CHMP7: variants seen among roughly 807,000 people sequenced by gnomAD.
CHMP7 encodes charged multivesicular body protein 7, also known as CHMP family, member 7.
A neutral mutation model predicts 53.7 loss-of-function variants in CHMP7; 15 were observed. That is an observed-to-expected ratio of 0.28 (90% CI 0.19 to 0.43). The LOEUF (loss-of-function observed/expected upper bound fraction) is 0.43. CHMP7 is among the 20% of genes least tolerant of loss of function. The probability of loss-of-function intolerance (pLI) is 1.00; values close to 1 mark genes in which losing one functional copy is unlikely to be tolerated. For synonymous variants in CHMP7, 261 were observed against 228.0 expected (o/e 1.14, Z -1.30); for missense variants, 527 against 569.4 (o/e 0.93, Z 0.76).
intron 1 of CHMP7, among the ~76,000 whole-genome samples, chr8:23,244,947 T>C (rs1801632253): frequency 6.6e-6 from 1 of 152,200 alleles, no homozygotes; most frequent in Admixed American, 6.5e-5. Context: ...TCATTATAGG[T>C]ATATGGGAAT....
In CHMP7 at chr8:23,255,297, C is replaced by T; in HGVS notation, c.522C>T (p.Ser174=). 1.2e-6 allele frequency: 2 copies of T among 1,614,188 alleles called. No individual in the cohort carries two copies. Among genetic ancestry groups the T allele is most frequent in the Non-Finnish European group, 1.7e-6 (2 of 1,180,036 alleles). Residue 174 remains serine, a synonymous_variant, in exon 4 of 11, where the codon TCC becomes TCT. Transcript: ENST00000397677. ...TGTATCAGAACTCGCCCCTCTCCTCCCACCCCGTGGTGGCCCTGTCAGAGC... is the reference window on the plus strand; with the variant it reads ...TGTATCAGAACTCGCCCCTCTCCTCTCACCCCGTGGTGGCCCTGTCAGAGC... ...YRLYQNSPLS[S]HPVVALSELS...
intron 3 of CHMP7, among the ~76,000 whole-genome samples, chr8:23,254,198 T>TC (rs1802039365): frequency 3.3e-5 from 5 of 151,668 alleles, no homozygotes; most frequent in African/African-American, 4.8e-5. Context: ...TTTTTTTTTT[T>TC]CAAGAAATCC....
chr8:23,256,537 G>A lies in CHMP7; in HGVS notation c.735G>A (p.Met245Ile), dbSNP rs1364869876. The A allele has an allele frequency of 6.2e-7, 1 of 1,612,958 alleles. No individual in the cohort carries two copies. The highest frequency in any genetic ancestry group is 8.5e-7 in the Non-Finnish European group (1 of 1,178,918). Residue 245 changes from methionine to isoleucine, a missense_variant, in exon 5 of 11, where the codon ATG becomes ATA. Transcript: ENST00000397677. The stretch of plus-strand genomic sequence containing the variant: ...TAGATGTTGGGGTGTACCAGCTGAT[G>A]CAGAGTGAACAGCTTCTCTCACGCA... ...NDVDVGVYQL[M>I]QSEQLLSRKV... is the part of the protein sequence containing the mutation.
intron 8 of CHMP7, 39 bp downstream of exon 8, chr8:23,258,869 G>A (rs1802248667): frequency 7.2e-7 from 1 of 1,397,848 alleles, no homozygotes. Context: ...CAGAGAAGGA[G>A]GTGACAGAGG....
In CHMP7 at chr8:23,260,262, C is replaced by T. The variant is rs766909726; in HGVS notation, c.1239C>T (p.Asn413=). The T allele has an allele frequency of 1.2e-6, 2 of 1,614,170 alleles. No individual in the cohort carries two copies. The highest frequency in any genetic ancestry group is 2.2e-5 in the East Asian group (1 of 44,876). ...RNRHFTNSVP[N]PRISDAELEA... ...GGCATTTTACCAACAGCGTGCCTAA[C>T]CCTAGGATCTCAGATGCTGAACTTG... The change falls in exon 10 of 11, where the codon AAC becomes AAT. Residue 413 remains asparagine, a synonymous_variant. Transcript: ENST00000397677.
chr8:23,258,385 A>G lies in CHMP7; in HGVS notation c.896A>G (p.His299Arg). The change falls in exon 7 of 11, where the codon CAT becomes CGT. Residue 299 changes from histidine (H) to arginine (R), a missense_variant. By Grantham distance (29) the His-to-Arg change is conservative. Coordinates refer to ENST00000397677, the MANE Select transcript of CHMP7 (RefSeq NM_152272.5). ...ACAGAGAAGCGCATCGAGGCCTTGC[A>G]TGCCAAGCTGGACACTGTTCAAGGC... ...QRTEKRIEALHAKLDTVQGIL... is the reference protein window; with the variant it reads ...QRTEKRIEALRAKLDTVQGIL... 1 of 1,614,126 alleles carries G rather than the reference A, an allele frequency of 6.2e-7. No individual in the cohort carries two copies. Among genetic ancestry groups the G allele is most frequent in the South Asian group, 1.1e-5 (1 of 91,082 alleles).
intron 2 of CHMP7, 28 bp from the exon 3 acceptor site, chr8:23,249,182 T>G: frequency 6.5e-7 from 1 of 1,548,462 alleles, no homozygotes; most frequent in South Asian, 1.3e-5. Flanking sequence ...TAAGTGCTAC[T>G]ACACGCCCTT....
At chr8:23,253,315 A>C (rs1801999240) in intron 3 of CHMP7, among the ~76,000 whole-genome samples, 1 of 152,070 alleles carries the variant, frequency 6.6e-6, no homozygotes, top group South Asian at 2.1e-4. Flanking sequence ...ACAGAGTCTC[A>C]CTCTGTTGCC....
chr8:23,257,537 CAGGT>C (rs547550102), intron 5 of CHMP7, among the ~76,000 whole-genome samples: 14 of 152,234 alleles, frequency 9.2e-5, no homozygotes, highest in Non-Finnish European at 1.2e-4. Flanking sequence ...GTGGACAAGA[CAGGT>C]CCCTGCCTTT....
chr8:23,250,359 C>CTTGTCCCT (rs1392065120), intron 3 of CHMP7, among the ~76,000 whole-genome samples: 1 of 152,170 alleles, frequency 6.6e-6, no homozygotes, highest in Non-Finnish European at 1.5e-5. Context: ...CCCTGCCCCT[C>CTTGTCCCT]TTGTCCCTTT....
chr8:23,251,210 AT>A (rs1432669681), intron 3 of CHMP7, among the ~76,000 whole-genome samples: 3 of 151,902 alleles, frequency 2.0e-5, no homozygotes, highest in South Asian at 4.2e-4. Context: ...GTTGAGGTAA[AT>A]TTTTTTTCCC....
At chr8:23,244,803 T>C (rs1181270696) in intron 1 of CHMP7, among the ~76,000 whole-genome samples, 3 of 152,238 alleles carry the variant, frequency 2.0e-5, no homozygotes, top group South Asian at 2.1e-4. Flanking sequence ...TAGTCCTTCA[T>C]AGATTTCTTT....
chr8:23,260,357 A>T, intron 10 of CHMP7, 34 bp downstream of exon 10: 1 of 1,607,994 alleles, frequency 6.2e-7, no homozygotes, highest in Non-Finnish European at 8.5e-7. Flanking sequence ...TTTGGAGGGC[A>T]TATGGCCTTC....
At chr8:23,258,551 G>A in intron 7 of CHMP7, 102 bp downstream of exon 7, 1 of 1,508,664 alleles carries the variant, frequency 6.6e-7, no homozygotes, top group Non-Finnish European at 9.1e-7. Flanking sequence ...GGTTCTTTCG[G>A]GATGTGGCTG....
At chr8:23,247,639 A>G (rs1349215420) in intron 2 of CHMP7, among the ~76,000 whole-genome samples, 1 of 152,216 alleles carries the variant, frequency 6.6e-6, no homozygotes, top group East Asian at 1.9e-4. Flanking sequence ...ACTTCCCAGC[A>G]TGCAGATACT....
chr8:23,260,034 G>T (rs1295067755), intron 9 of CHMP7, 110 bp from the exon 10 acceptor site: 3 of 793,772 alleles, frequency 3.8e-6, no homozygotes, highest in Non-Finnish European at 6.0e-6. Flanking sequence ...TCTGCAAGGA[G>T]GCCTGGCATC....
intron 3 of CHMP7, chr8:23,254,931 C>G (rs923562610): frequency 2.4e-6 from 1 of 418,494 alleles, no homozygotes; most frequent in African/African-American, 2.0e-5. Context: ...TCTACCTCAC[C>G]TCACCTCCTC....
Position 23,246,891 on chromosome 8 carries a change from C to T in CHMP7, c.196C>T (p.Arg66Cys), listed in dbSNP as rs1428694569. Residue 66 changes from arginine to cysteine, a missense_variant, in exon 2 of 11, where the codon CGC becomes TGC. Physicochemically the swap from Arg to Cys is radical, Grantham distance 180. Coordinates refer to ENST00000397677, the MANE Select transcript of CHMP7 (RefSeq NM_152272.5). Reference sequence around the variant, plus strand: ...GCCGTTGGTGCTGAGCCACAGCCGCCGCCAGGGGGTGGTGCGCCTGCGTCT... The same window carrying T: ...GCCGTTGGTGCTGAGCCACAGCCGCTGCCAGGGGGTGGTGCGCCTGCGTCT... ...WAPLVLSHSR[R>C]QGVVRLRLRD... is the part of the protein sequence containing the mutation. The T allele has an allele frequency of 1.3e-6, 2 of 1,585,652 alleles. No individual in the cohort carries two copies. Among genetic ancestry groups the T allele is most frequent in the South Asian group, 1.1e-5 (1 of 87,244 alleles).
At chr8:23,256,418 C>G (rs768780477) in intron 4 of CHMP7, 42 bp from the exon 5 acceptor site, 6 of 1,514,980 alleles carry the variant, frequency 4.0e-6, no homozygotes, top group Middle Eastern at 1.8e-4. Flanking sequence ...AATTTCTCAG[C>G]CTTTGTGGTA....
Sources: allele counts gnomAD v4.1 joint callset (sites outside exome capture counted in the v4.1 genomes callset), GRCh38; gene constraint gnomAD v4.1.1; transcripts MANE v1.5; gene names NCBI Gene and HGNC (gene_info 2026-07-23, HGNC 2026-07-21).